RHOC: variants seen among roughly 807,000 people sequenced by gnomAD.
RHOC encodes the protein rho-related GTP-binding protein RhoC.
In RHOC, 13 loss-of-function variants were observed where a neutral mutation model predicts 19.5. That is an observed-to-expected ratio of 0.67 (90% CI 0.43 to 1.06). The LOEUF (loss-of-function observed/expected upper bound fraction) is 1.06, where lower values mean the gene tolerates loss of function less well. Ranked by LOEUF, RHOC falls within the 50% of genes least tolerant of loss-of-function variation. The pLI is 0.00. For missense variants in RHOC, 173 were observed against 256.9 expected (o/e 0.67, Z 2.23); for synonymous variants, 106 against 97.3 (o/e 1.09, Z -0.52).
intron 1 of RHOC, 39 bp from the exon 2 acceptor site, chr1:112,705,207 A>C: frequency 1.4e-6 from 1 of 701,846 alleles, no homozygotes; most frequent in Non-Finnish European, 2.6e-6. Context: ...CTGGGCTGGG[A>C]GGAGCCCCAA....
chr1:112,706,442 CACACACACACACACACACACACCACA>C (rs1557780439), intron 1 of RHOC, among the ~76,000 whole-genome samples: 10 of 43,580 alleles, frequency 2.3e-4, no homozygotes, highest in Admixed American at 7.7e-4. Flanking sequence ...CACACACACA[CACACACACACACACACACACACCACA>C]CACACACACA....
chr1:112,701,513 G>A lies in RHOC; in HGVS notation c.*27C>T. On this transcript the variant is annotated 3_prime_UTR_variant, in exon 6 of 6. Coordinates refer to ENST00000339083, the MANE Select transcript of RHOC (RefSeq NM_175744.5). ...ATTTCTGTACCCCTGTGAAGGGAGG[G>A]GGCATGTAGGAAAGGCCTTGGGGAT... 17 of 1,614,074 alleles carry A rather than the reference G, an allele frequency of 1.1e-5. No homozygotes were observed. Among genetic ancestry groups the A allele is most frequent in the East Asian group, 2.2e-5 (1 of 44,872 alleles).
chr1:112,707,192 A>C (rs1233369118), upstream of RHOC: 1 of 148,752 alleles, frequency 6.7e-6, no homozygotes, highest in African/African-American at 2.5e-5. Context: ...CGGCAGGGGG[A>C]GGGTCGGCCG....
At position 112,706,430 on chromosome 1, in the gene RHOC, T is replaced by TACAC. The variant is rs149206424; in HGVS notation, c.-77+644_-77+647dup. ...CATTTTCTCTCTCTCTCTCTCTCTC[T>TACAC]ACACACACACACACACACACACACA... On this transcript the variant is annotated intron_variant, in intron 1 of 5. Coordinates refer to ENST00000339083, the MANE Select transcript of RHOC (RefSeq NM_175744.5). 7.8e-4 allele frequency among the ~76,000 whole-genome samples: 39 copies of TACAC among 49,696 alleles called. 2 individuals carry two copies. Among genetic ancestry groups the TACAC allele is most frequent in the African/African-American group, 1.4e-3 (16 of 11,552 alleles). 32.6% of individuals were successfully genotyped at this position (49,696 alleles called of 152,430 possible).
rs376007811 is a variant in RHOC, at chr1:112,701,836, C to T, written c.409-123G>A. On this transcript the variant is annotated intron_variant, in intron 5 of 5. Transcript: ENST00000339083. Reference sequence around the variant, plus strand: ...TCTCCAGCCCTGACCCAGAAAGCGCCCAGGCCCCAGCTACCCTGGGCAGCT... The same window carrying T: ...TCTCCAGCCCTGACCCAGAAAGCGCTCAGGCCCCAGCTACCCTGGGCAGCT... 1.1e-3 allele frequency: 1,148 copies of T among 1,015,366 alleles called. 1 individual carries two copies. The highest frequency in any genetic ancestry group is 1.4e-3 in the Non-Finnish European group (961 of 678,002). 62.9% of individuals were successfully genotyped at this position (1,015,366 alleles called of 1,614,324 possible).
chr1:112,702,720 C>T (rs770556217), intron 4 of RHOC, 27 bp from the exon 5 acceptor site: 3 of 1,613,334 alleles, frequency 1.9e-6, no homozygotes, highest in South Asian at 1.1e-5. Context: ...CAACAGGTGT[C>T]GGTGCCTCCA....
chr1:112,706,428 T>TACACACACACACACACACA (rs1570835278), intron 1 of RHOC, among the ~76,000 whole-genome samples: 1 of 41,486 alleles, frequency 2.4e-5, no homozygotes. Flanking sequence ...TCTCTCTCTC[T>TACACACACACACACACACA]CTACACACAC....
In RHOC at chr1:112,701,240, C is replaced by T. The variant is rs1674613568; in HGVS notation, c.*300G>A. The T allele has an allele frequency of 1.4e-6, 1 of 709,900 alleles. No homozygotes were observed. 44.0% of individuals were successfully genotyped at this position (709,900 alleles called of 1,614,324 possible). Reference sequence around the variant, plus strand: ...GGGACTCTGGGTCCCCTACTGCAGACACTTTCCTGTGAGCCAGAAGTGTAT... The same window carrying T: ...GGGACTCTGGGTCCCCTACTGCAGATACTTTCCTGTGAGCCAGAAGTGTAT... On this transcript the variant is annotated 3_prime_UTR_variant, in exon 6 of 6. Transcript: ENST00000339083.
chr1:112,705,438 T>G, intron 1 of RHOC: 4 of 590,862 alleles, frequency 6.8e-6, no homozygotes, highest in Admixed American at 4.9e-5. Context: ...CCCTTCAACA[T>G]AGATCCTGAG....
chr1:112,704,941 G>A lies in RHOC; in HGVS notation c.-8+159C>T, dbSNP rs2279499. 0.24 allele frequency: 151,187 copies of A among 627,454 alleles called. 20,768 individuals carry two copies. Among genetic ancestry groups the A allele is most frequent in the East Asian group, 0.48 (17,298 of 36,356 alleles). The allele number at this position is 627,454 out of a possible 1,614,324, so 38.9% of individuals were successfully genotyped here. A position where few individuals can be genotyped will look rare whatever the true frequency, so the allele number is the denominator to read the frequency against. On this transcript the variant is annotated intron_variant, in intron 2 of 5. Coordinates refer to ENST00000339083, the MANE Select transcript of RHOC (RefSeq NM_175744.5). ...CTTCCTCCCTCAGTCCAGCTCACCC[G>A]CATGCCCTGCCCACCCCTCCCTGTG...
Position 112,706,507 on chromosome 1 carries a change from CACACA to C in RHOC, c.-77+566_-77+570del, listed in dbSNP as rs1557780910. 8.6e-4 allele frequency among the ~76,000 whole-genome samples: 56 copies of C among 65,126 alleles called. 1 individual carries two copies. Among genetic ancestry groups the C allele is most frequent in the African/African-American group, 2.7e-3 (54 of 20,026 alleles). 42.7% of individuals were successfully genotyped at this position (65,126 alleles called of 152,430 possible). ...ACACACACACACACACACACACACACACACACACACACACACACACACACACACAC... is the reference window on the plus strand; with the variant it reads ...ACACACACACACACACACACACACACCACACACACACACACACACACACAC... On this transcript the variant is annotated intron_variant, in intron 1 of 5. Transcript: ENST00000339083.
At chr1:112,702,758 G>A (rs1674700677) in intron 4 of RHOC, 65 bp from the exon 5 acceptor site, 3 of 1,595,608 alleles carry the variant, frequency 1.9e-6, no homozygotes, top group Admixed American at 1.7e-5. Flanking sequence ...CCCTGGGGGG[G>A]CCCTCATCTT....
At chr1:112,705,232 G>A (rs1674800632) in intron 1 of RHOC, 64 bp from the exon 2 acceptor site, 1 of 701,266 alleles carries the variant, frequency 1.4e-6, no homozygotes, top group Admixed American at 2.0e-5. Flanking sequence ...AGAGACAAAT[G>A]AGGGCCAGTC....
At chr1:112,706,456 CA>C (rs1674859893) in intron 1 of RHOC, among the ~76,000 whole-genome samples, 9 of 24,862 alleles carry the variant, frequency 3.6e-4, no homozygotes, top group South Asian at 2.4e-3. Context: ...CACACACACA[CA>C]CACACACCAC....
upstream of RHOC, chr1:112,707,199 G>C (rs924302089): frequency 2.0e-5 from 3 of 150,326 alleles, no homozygotes; most frequent in African/African-American, 4.9e-5. Flanking sequence ...GGGAGGGTCG[G>C]CCGGGGGCGG....
chr1:112,706,316 T>G (rs898913587), intron 1 of RHOC: 1 of 151,728 alleles, frequency 6.6e-6, no homozygotes, highest in African/African-American at 2.4e-5. Context: ...AAAACCAGAG[T>G]GAGGGCGGGA....
chr1:112,703,481 T>G (rs1401868263), intron 3 of RHOC, 163 bp downstream of exon 3: 1 of 757,162 alleles, frequency 1.3e-6, no homozygotes, highest in Non-Finnish European at 2.3e-6. Flanking sequence ...AGAAAGTATA[T>G]CCAGGTTTTT....
chr1:112,706,529 C>G (rs1431923820), intron 1 of RHOC, among the ~76,000 whole-genome samples: 1 of 126,426 alleles, frequency 7.9e-6, no homozygotes, highest in African/African-American at 3.0e-5. Context: ...CACACACACA[C>G]ACACACACAG....
rs2101459902 is a variant in RHOC, at chr1:112,702,478, C to A, written c.408+85G>T. On this transcript the variant is annotated intron_variant, in intron 5 of 5. Transcript: ENST00000339083. ...TGTTTCCCCTAACACACGGCAGTAG[C>A]TGGAGAGAAGTTCCCTTTGCCCGTC... 4 of 1,444,762 alleles carry A rather than the reference C, an allele frequency of 2.8e-6. No homozygotes were observed. The East Asian group carries it at 9.2e-5, about 33-fold the overall frequency. The allele number at this position is 1,444,762 out of a possible 1,614,324, so 89.5% of individuals were successfully genotyped here.
Sources: gnomAD v4.1 joint callset for allele counts (sites outside exome capture counted in the v4.1 genomes callset) on GRCh38, gnomAD v4.1.1 for gene constraint, MANE v1.5 for transcripts, NCBI Gene and HGNC (gene_info 2026-07-23, HGNC 2026-07-21) for gene names.